COMMD1: variants seen among roughly 807,000 people sequenced by gnomAD.
COMMD1 encodes copper metabolism domain containing 1, also known as COMM domain-containing protein 1.
COMMD1 carries 10 observed loss-of-function variants against 17.2 expected under a neutral mutation model. The observed-to-expected ratio is 0.58, with a 90% CI of 0.36 to 0.99. COMMD1 has a LOEUF of 0.99. Ranked by LOEUF, COMMD1 falls within the 50% of genes least tolerant of loss-of-function variation. The probability of loss-of-function intolerance (pLI) is 0.01; values close to 1 mark genes in which losing one functional copy is unlikely to be tolerated. For missense variants in COMMD1, 270 were observed against 231.8 expected, an observed-to-expected ratio of 1.17 and a Z score of -1.07; for synonymous variants, 97 against 91.6, an observed-to-expected ratio of 1.06 and a Z score of -0.34.
chr2:62,032,181 T>A (rs1241936060), intron 2 of COMMD1, among the ~76,000 whole-genome samples: 1 of 152,152 alleles, frequency 6.6e-6, no homozygotes, highest in Non-Finnish European at 1.5e-5. Context: ...CTATCCAGCA[T>A]GTATGAATTT....
At chr2:62,028,214 C>T (rs574702284) in intron 2 of COMMD1, among the ~76,000 whole-genome samples, 1 of 152,138 alleles carries the variant, frequency 6.6e-6, no homozygotes, top group Admixed American at 6.5e-5. Context: ...AGGTTGTCAG[C>T]ATGATTACTC....
intron 2 of COMMD1, among the ~76,000 whole-genome samples, chr2:62,104,428 G>A (rs776323453): frequency 3.3e-5 from 5 of 151,960 alleles, no homozygotes; most frequent in Non-Finnish European, 5.9e-5. Context: ...GAGGTCAGGA[G>A]TTCAAGACCA....
At chr2:62,066,388 C>T (rs569459911) in intron 2 of COMMD1, among the ~76,000 whole-genome samples, 8 of 151,852 alleles carry the variant, frequency 5.3e-5, no homozygotes, top group East Asian at 1.9e-4. Context: ...TGACTACAGC[C>T]GCTTCACTTC....
intron 1 of COMMD1, among the ~76,000 whole-genome samples, chr2:61,893,726 A>G (rs534440894): frequency 1.3e-5 from 2 of 152,028 alleles, no homozygotes; most frequent in African/African-American, 4.8e-5. Flanking sequence ...AGGAAGGAGA[A>G]TTGCTTGAAC....
chr2:62,066,813 C>T (rs1671062561), intron 2 of COMMD1, among the ~76,000 whole-genome samples: 6 of 151,926 alleles, frequency 3.9e-5, no homozygotes, highest in Admixed American at 3.9e-4. Context: ...GCAACCTCCA[C>T]CTCCTGGGTT....
In COMMD1 at chr2:62,127,906, C is replaced by T. The variant is rs544461010; in HGVS notation, c.463-7925C>T. Among the ~76,000 whole-genome samples, 5 of 151,296 alleles carry T rather than the reference C, an allele frequency of 3.3e-5. No individual in the cohort carries two copies. The East Asian group carries it at 9.8e-4, about 30-fold the overall frequency. On this transcript the variant is annotated intron_variant, in intron 2 of 2. Coordinates refer to ENST00000311832, the MANE Select transcript of COMMD1 (RefSeq NM_152516.4). ...GCATGGTGGCACATGCCTGTAGTCC[C>T]AGCTACTCAGGAGGCTGAGGCAGGA... is the stretch of plus-strand genomic sequence containing the variant.
At chr2:62,027,206 A>T (rs919517516) in intron 2 of COMMD1, among the ~76,000 whole-genome samples, 1 of 152,154 alleles carries the variant, frequency 6.6e-6, no homozygotes, top group East Asian at 1.9e-4. Flanking sequence ...TAAGTTCTGA[A>T]TTATGTGGAC....
intron 1 of COMMD1, among the ~76,000 whole-genome samples, chr2:61,986,410 A>T (rs4130742): frequency 6.6e-6 from 1 of 151,808 alleles, no homozygotes; most frequent in African/African-American, 2.4e-5. Flanking sequence ...TTCTTGAATA[A>T]TGATGTCTTT....
intron 2 of COMMD1, among the ~76,000 whole-genome samples, chr2:62,030,063 A>C (rs1279326584): frequency 1.3e-5 from 2 of 152,244 alleles, no homozygotes; most frequent in African/African-American, 4.8e-5. Context: ...ATCTAATGCT[A>C]ATAGACTTAA....
chr2:62,041,136 T>C (rs141386580), intron 2 of COMMD1, among the ~76,000 whole-genome samples: 279 of 152,352 alleles, frequency 1.8e-3, no homozygotes, highest in African/African-American at 5.8e-3. Flanking sequence ...TCATGACTTA[T>C]ACAGGAATGC....
intron 2 of COMMD1, among the ~76,000 whole-genome samples, chr2:62,053,750 G>A (rs532600588): frequency 6.6e-6 from 1 of 152,280 alleles, no homozygotes; most frequent in East Asian, 1.9e-4. Context: ...TTTTGTGCAT[G>A]ATGTATTACA....
intron 2 of COMMD1, among the ~76,000 whole-genome samples, chr2:62,080,440 G>A (rs900106507): frequency 6.6e-6 from 1 of 152,118 alleles, no homozygotes; most frequent in Admixed American, 6.6e-5. Context: ...GTGTTTGTTC[G>A]TTGGTGCCTG....
At chr2:61,976,861 C>G (rs1325607633) in intron 1 of COMMD1, among the ~76,000 whole-genome samples, 4 of 151,256 alleles carry the variant, frequency 2.6e-5, no homozygotes, top group African/African-American at 9.7e-5. Flanking sequence ...CGGAGTCTCA[C>G]TCTGTTGTCC....
chr2:62,132,029 C>T (rs567529910), intron 2 of COMMD1, among the ~76,000 whole-genome samples: 49 of 152,194 alleles, frequency 3.2e-4, no homozygotes, highest in Admixed American at 9.2e-4. Context: ...GCTGGGATTA[C>T]AGGTGCCCAC....
At chr2:61,905,625 G>A, upstream of COMMD1, 1 of 1,479,836 alleles carries the variant, frequency 6.8e-7, no homozygotes, top group Admixed American at 2.2e-5. Context: ...GGCACATCTC[G>A]GCCGCCGTGG....
intron 1 of COMMD1, among the ~76,000 whole-genome samples, chr2:61,913,385 A>G (rs1482112749): frequency 2.7e-5 from 4 of 149,296 alleles, no homozygotes; most frequent in South Asian, 2.1e-4. Context: ...AAAAAAAAAA[A>G]AGAGAAAAGT....
intron 2 of COMMD1, among the ~76,000 whole-genome samples, chr2:62,088,924 G>A (rs923730277): frequency 3.3e-5 from 5 of 152,168 alleles, no homozygotes; most frequent in Admixed American, 1.3e-4. Context: ...TCAGAAAGGC[G>A]GGACAACTCA....
At chr2:61,957,683 C>G (rs1671233855) in intron 1 of COMMD1, among the ~76,000 whole-genome samples, 1 of 152,174 alleles carries the variant, frequency 6.6e-6, no homozygotes, top group Non-Finnish European at 1.5e-5. Context: ...GGACATGCCA[C>G]CCGCTGGTGT....
intron 2 of COMMD1, among the ~76,000 whole-genome samples, chr2:62,034,452 C>T (rs189959711): frequency 1.3e-5 from 2 of 152,258 alleles, no homozygotes; most frequent in African/African-American, 4.8e-5. Flanking sequence ...CAAGATCGTG[C>T]CACTGCCCTC....
Sources: allele counts gnomAD v4.1 joint callset (sites outside exome capture counted in the v4.1 genomes callset), GRCh38; gene constraint gnomAD v4.1.1; transcripts MANE v1.5; gene names NCBI Gene and HGNC (gene_info 2026-07-23, HGNC 2026-07-21).